Variants in LRP1B observed in about 807,000 individuals in gnomAD.
The protein encoded by LRP1B is low-density lipoprotein receptor-related protein 1B.
In LRP1B, 217 loss-of-function variants were observed where a neutral mutation model predicts 556.6. That is an observed-to-expected ratio of 0.39 (90% CI 0.35 to 0.44). LRP1B has a LOEUF of 0.44. Ranked by LOEUF, LRP1B falls within the 20% of genes least tolerant of loss-of-function variation. The pLI, the probability that LRP1B is intolerant of heterozygous loss-of-function variation, is 1.00. For missense variants in LRP1B, 5,053 were observed against 5,620.8 expected (o/e 0.90, Z 3.23); for synonymous variants, 2,047 against 1,865.8 (o/e 1.10, Z -2.50).
intron 7 of LRP1B, among the ~76,000 whole-genome samples, chr2:141,126,027 TC>T (rs1310746210): frequency 1.5e-5 from 2 of 131,978 alleles, no homozygotes; most frequent in African/African-American, 5.8e-5. Flanking sequence ...ATAGCTACTT[TC>T]TTCCTTTTAT....
chr2:141,577,395 C>T (rs527344259), intron 2 of LRP1B, among the ~76,000 whole-genome samples: 2 of 152,130 alleles, frequency 1.3e-5, no homozygotes, highest in Non-Finnish European at 2.9e-5. Flanking sequence ...TTCGTTTAGC[C>T]CAGTTCCTGG....
At chr2:141,955,486 T>C (rs1184230240) in intron 1 of LRP1B, among the ~76,000 whole-genome samples, 1 of 152,070 alleles carries the variant, frequency 6.6e-6, no homozygotes, top group Non-Finnish European at 1.5e-5. Flanking sequence ...ATTGTATAAA[T>C]GTGTACATTA....
rs150611296 is a variant in LRP1B at position 141,643,471 on chromosome 2, A to G, written c.206-162938T>C. On this transcript the variant is annotated intron_variant, in intron 2 of 90. Coordinates refer to ENST00000389484, the MANE Select transcript of LRP1B (RefSeq NM_018557.3). ...AGACGGAGAGGAATATGGAAATTGT[A>G]TTATTAAATATTTTCAGAAATGTAG... 9.5e-3 allele frequency among the ~76,000 whole-genome samples: 1,444 copies of G among 152,268 alleles called. 17 individuals carry two copies. The highest frequency in any genetic ancestry group is 0.033 in the African/African-American group (1,386 of 41,548).
chr2:141,265,094 G>A (rs1014712920), intron 3 of LRP1B, among the ~76,000 whole-genome samples: 7 of 152,104 alleles, frequency 4.6e-5, no homozygotes, highest in African/African-American at 1.7e-4. Context: ...AAACTCTCTC[G>A]AGACTCCCAT....
intron 29 of LRP1B, among the ~76,000 whole-genome samples, chr2:140,843,067 GTT>G (rs1232129942): frequency 9.4e-5 from 1 of 10,644 alleles, no homozygotes; most frequent in African/African-American, 2.3e-4. Flanking sequence ...TTTTTTTTTT[GTT>G]TTTTTTTTTT....
At chr2:140,246,550 G>T (rs910145077) in intron 87 of LRP1B, among the ~76,000 whole-genome samples, 7 of 146,712 alleles carry the variant, frequency 4.8e-5, no homozygotes, top group African/African-American at 1.7e-4. Flanking sequence ...CAAAAATGTT[G>T]ATCTATATTT....
At chr2:140,845,862 G>C (rs552707386) in intron 29 of LRP1B, among the ~76,000 whole-genome samples, 1 of 151,994 alleles carries the variant, frequency 6.6e-6, no homozygotes, top group Non-Finnish European at 1.5e-5. Context: ...GAAATTAAGC[G>C]AGTTGGAAGG....
intron 18 of LRP1B, among the ~76,000 whole-genome samples, chr2:140,973,449 T>C (rs1319774064): frequency 1.3e-5 from 2 of 152,042 alleles, no homozygotes; most frequent in Non-Finnish European, 2.9e-5. Flanking sequence ...ACCTCACTCA[T>C]GTACATATTT....
At chr2:141,871,523 A>G (rs1479056091) in intron 1 of LRP1B, among the ~76,000 whole-genome samples, 1 of 151,992 alleles carries the variant, frequency 6.6e-6, no homozygotes, top group African/African-American at 2.4e-5. Flanking sequence ...TGCATCTACC[A>G]AAAAAGGAGA....
chr2:141,307,307 G>T (rs548311248), intron 3 of LRP1B, among the ~76,000 whole-genome samples: 5 of 151,834 alleles, frequency 3.3e-5, no homozygotes, highest in Admixed American at 3.3e-4. Flanking sequence ...GGTGCATATA[G>T]GTTTAGAATA....
intron 2 of LRP1B, among the ~76,000 whole-genome samples, chr2:141,795,875 T>TAC (rs1558880802): frequency 1.0e-4 from 7 of 69,960 alleles, no homozygotes; most frequent in Non-Finnish European, 2.1e-4. Flanking sequence ...TATATATATA[T>TAC]ATATATATAT....
At chr2:140,961,086 T>C (rs892240265) in intron 18 of LRP1B, among the ~76,000 whole-genome samples, 4 of 151,908 alleles carry the variant, frequency 2.6e-5, no homozygotes, top group African/African-American at 9.7e-5. Flanking sequence ...GCCAACAATA[T>C]GAGATAGATT....
chr2:141,517,594 C>A (rs1288115236), intron 2 of LRP1B, among the ~76,000 whole-genome samples: 1 of 152,116 alleles, frequency 6.6e-6, no homozygotes, highest in African/African-American at 2.4e-5. Context: ...GTCTGAGTTT[C>A]TCTTTAACAT....
In LRP1B at chr2:140,337,987, G is replaced by A. The variant is rs147450008; in HGVS notation, c.11893-2149C>T. 6.9e-3 allele frequency among the ~76,000 whole-genome samples: 1,053 copies of A among 151,662 alleles called. 7 individuals are homozygous for A. Among genetic ancestry groups the A allele is most frequent in the Non-Finnish European group, 0.011 (717 of 67,792 alleles). ...GATACTTTTTCAAGTAAACAGGCTG[G>A]TGAAGATTTTACTAAGGGTGAATTG... On this transcript the variant is annotated intron_variant, in intron 77 of 90. Coordinates refer to ENST00000389484, the MANE Select transcript of LRP1B (RefSeq NM_018557.3).
chr2:141,868,589 T>C (rs1265802296), intron 1 of LRP1B, among the ~76,000 whole-genome samples: 1 of 152,146 alleles, frequency 6.6e-6, no homozygotes, highest in East Asian at 1.9e-4. Context: ...ATAAACAGAA[T>C]AGTAGTTGGG....
chr2:140,540,565 T>C (rs1680095997), intron 45 of LRP1B, among the ~76,000 whole-genome samples: 1 of 152,106 alleles, frequency 6.6e-6, no homozygotes, highest in Non-Finnish European at 1.5e-5. Flanking sequence ...ATTTACATAC[T>C]ATGATGGACT....
chr2:141,689,559 T>A (rs1558805951), intron 2 of LRP1B, among the ~76,000 whole-genome samples: 1 of 151,380 alleles, frequency 6.6e-6, no homozygotes, highest in South Asian at 2.1e-4. Flanking sequence ...ATATTGTATA[T>A]ATAAGGGAAA....
At chr2:141,123,761 TCTC>T (rs1463022611) in intron 7 of LRP1B, among the ~76,000 whole-genome samples, 1 of 152,158 alleles carries the variant, frequency 6.6e-6, no homozygotes, top group African/African-American at 2.4e-5. Context: ...GCCAACTACT[TCTC>T]TTTACTCACG....
rs1009722881 is a variant in LRP1B at position 141,865,669 on chromosome 2, C to T, written c.83-55268G>A. ...CAAACAAGAGGGTAGAAGAAAGTGA[C>T]GTGAGAACTACATAGTTGGAGGTAT... On this transcript the variant is annotated intron_variant, in intron 1 of 90. Transcript: ENST00000389484. 6.6e-5 allele frequency among the ~76,000 whole-genome samples: 10 copies of T among 150,460 alleles called. No homozygotes were observed. In the East Asian group the frequency reaches 1.7e-3, roughly 26 times the overall value.
Sources: allele counts gnomAD v4.1 joint callset (sites outside exome capture counted in the v4.1 genomes callset), GRCh38; gene constraint gnomAD v4.1.1; transcripts MANE v1.5; gene names NCBI Gene and HGNC (gene_info 2026-07-23, HGNC 2026-07-21).